FN1: variants seen among roughly 807,000 people sequenced by gnomAD.
FN1 encodes the protein fibronectin 1.
A neutral mutation model predicts 297.3 loss-of-function variants in FN1; 106 were observed. The ratio of observed to expected loss-of-function variants is 0.36; its 90% CI spans 0.30 to 0.42. FN1 has a LOEUF of 0.42. FN1 is among the 10% of genes least tolerant of loss of function. The probability of loss-of-function intolerance (pLI) is 1.00; values close to 1 mark genes in which losing one functional copy is unlikely to be tolerated. For missense variants in FN1, 2,690 were observed against 3,124.9 expected (o/e 0.86, Z 3.32); for synonymous variants, 1,149 against 1,152.6 (o/e 1.00, Z 0.06).
Position 215,434,689 on chromosome 2 carries a change from C to T in FN1, c.277+7G>A. 1 of 1,614,156 alleles carries T rather than the reference C, an allele frequency of 6.2e-7. No homozygotes were observed. The highest frequency in any genetic ancestry group is 1.1e-5 in the South Asian group (1 of 91,078). On this transcript the variant is annotated splice_region_variant and intron_variant, in intron 2 of 45. Transcript: ENST00000354785. ...AGATACTAACTATGGGGCTTGTTGT[C>T]ACTTACCTTCAGGTTTACTCTCGCA...
intron 35 of FN1, among the ~76,000 whole-genome samples, chr2:215,377,177 T>A (rs955413180): frequency 6.6e-6 from 1 of 151,964 alleles, no homozygotes; most frequent in Admixed American, 6.6e-5. Flanking sequence ...CTTTTATAAA[T>A]GATAAAACTT....
In FN1 at chr2:215,419,304, T is replaced by G; in HGVS notation, c.1757A>C (p.Gln586Pro). 1 of 1,613,564 alleles carries G rather than the reference T, an allele frequency of 6.2e-7. No homozygotes were observed. The highest frequency in any genetic ancestry group is 1.1e-5 in the South Asian group (1 of 91,072). Residue 586 changes from glutamine to proline, a missense_variant, in exon 12 of 46, where the codon CAG becomes CCG. Coordinates refer to ENST00000354785, the MANE Select transcript of FN1 (RefSeq NM_212482.4). Reference protein sequence around the residue: ...WEKYVHGVRYQCYCYGRGIGE... With the variant: ...WEKYVHGVRYPCYCYGRGIGE... ...AATGCCACGGCCATAGCAGTAGCAC[T>G]GGTATCTGACACCATGCACATACTT...
intron 32 of FN1, 62 bp downstream of exon 32, chr2:215,382,150 C>A (rs1575391454): frequency 2.0e-6 from 2 of 989,556 alleles, no homozygotes; most frequent in Non-Finnish European, 3.3e-6. Context: ...ATGTCGTGGG[C>A]ATTCAGACAC....
At chr2:215,382,467 C>G in intron 31 of FN1, 142 bp from the exon 32 acceptor site, 1 of 676,650 alleles carries the variant, frequency 1.5e-6, no homozygotes, top group Non-Finnish European at 2.7e-6. Flanking sequence ...GAGAGTCAGA[C>G]TTTGATTTCC....
chr2:215,410,231 T>A (rs1318810277), intron 13 of FN1, 117 bp from the exon 14 acceptor site: 2 of 1,014,682 alleles, frequency 2.0e-6, no homozygotes, highest in Non-Finnish European at 3.0e-6. Flanking sequence ...CTTAGGCAGC[T>A]CCATTCTAGA....
Position 215,384,901 on chromosome 2 carries a change from G to GC in FN1, c.4687dup (p.Ala1563GlyfsTer18). 6.2e-7 allele frequency: 1 copy of GC among 1,613,752 alleles called. No individual in the cohort carries two copies. The highest frequency in any genetic ancestry group is 8.5e-7 in the Non-Finnish European group (1 of 1,179,704). ...GATCCTGTAATATCTCACTGTGACA[G>GC]CAGGAGCATCCCAGCTGATCAGTAG... On this transcript the variant is annotated frameshift_variant, in exon 29 of 46. Transcript: ENST00000354785. LOFTEE classifies it high-confidence loss of function.
chr2:215,395,036 C>A (rs2060153746), intron 23 of FN1, among the ~76,000 whole-genome samples: 1 of 152,138 alleles, frequency 6.6e-6, no homozygotes, highest in Non-Finnish European at 1.5e-5. Context: ...GGGAGTGATT[C>A]CCCAAAGCTT....
chr2:215,362,117 G>T, intron 44 of FN1, 38 bp from the exon 45 acceptor site: 1 of 1,462,476 alleles, frequency 6.8e-7, no homozygotes. Flanking sequence ...TGGGGTTTAT[G>T]ATAACCTGAG....
intron 19 of FN1, among the ~76,000 whole-genome samples, chr2:215,405,500 T>G (rs565669454): frequency 6.6e-6 from 1 of 152,268 alleles, no homozygotes; most frequent in East Asian, 1.9e-4. Flanking sequence ...TCCCAGCACT[T>G]TGGGAGGCCA....
Position 215,361,161 on chromosome 2 carries a change from A to G in FN1, c.*394T>C, listed in dbSNP as rs2053381041. On this transcript the variant is annotated 3_prime_UTR_variant, in exon 46 of 46. Transcript: ENST00000354785. ...GCTTGTTCCTACAGTATTGCGGGCC[A>G]GACACTTAAGTGAAAGCAGAAGTGT... The G allele has an allele frequency of 2.6e-5, 6 of 231,978 alleles. No individual in the cohort carries two copies. The highest frequency in any genetic ancestry group is 8.6e-6 in the Non-Finnish European group (1 of 116,138). The allele number at this position is 231,978 out of a possible 1,614,324, so 14.4% of individuals were successfully genotyped here.
intron 34 of FN1, 33 bp from the exon 35 acceptor site, chr2:215,378,295 A>G (rs1420417854): frequency 5.0e-6 from 6 of 1,189,510 alleles, no homozygotes; most frequent in South Asian, 1.2e-5. Context: ...AGCTTTAGCA[A>G]CGTCCTCAAC....
In FN1 at chr2:215,419,235, T is replaced by G. The variant is rs3796123; in HGVS notation, c.1819+7A>C. The G allele has an allele frequency of 1.2e-6, 2 of 1,613,320 alleles. No individual in the cohort carries two copies. The highest frequency in any genetic ancestry group is 1.7e-6 in the Non-Finnish European group (2 of 1,179,464). ...AGTTCTCAACTTGCAGTAATAGAGCTACTTACTTGGATAGGTCTGTAAAGG... is the reference window on the plus strand; with the variant it reads ...AGTTCTCAACTTGCAGTAATAGAGCGACTTACTTGGATAGGTCTGTAAAGG... On this transcript the variant is annotated splice_region_variant and intron_variant, in intron 12 of 45. Coordinates refer to ENST00000354785, the MANE Select transcript of FN1 (RefSeq NM_212482.4).
At chr2:215,399,439 C>G (rs1028817250) in intron 20 of FN1, 88 bp from the exon 21 acceptor site, 102 of 923,444 alleles carry the variant, frequency 1.1e-4, no homozygotes, top group Middle Eastern at 8.7e-4. Context: ...TTATGGAGAA[C>G]CTCAGTTTAA....
chr2:215,412,968 A>C (rs938046218), intron 13 of FN1, among the ~76,000 whole-genome samples: 1 of 152,116 alleles, frequency 6.6e-6, no homozygotes, highest in African/African-American at 2.4e-5. Context: ...CATTAGAAAT[A>C]CATTCTTTTC....
Position 215,409,601 on chromosome 2 carries a change from T to C in FN1, c.2261A>G (p.Tyr754Cys), listed in dbSNP as rs1281077191. 6.2e-7 allele frequency: 1 copy of C among 1,613,982 alleles called. No individual in the cohort carries two copies. Residue 754 changes from tyrosine to cysteine, a missense_variant, in exon 15 of 46, where the codon TAT becomes TGT. By Grantham distance (194) the Tyr-to-Cys change is radical. Coordinates refer to ENST00000354785, the MANE Select transcript of FN1 (RefSeq NM_212482.4). The stretch of plus-strand genomic sequence containing the variant: ...CTCATCTCCCTCCTCACTCAGCTCA[T>C]ATTCCACCCGGAATCCCGACACGGT... ...SDTVSGFRVE[Y>C]ELSEEGDEPQ...
At chr2:215,371,097 G>A (rs1218367490) in intron 40 of FN1, among the ~76,000 whole-genome samples, 3 of 148,608 alleles carry the variant, frequency 2.0e-5, no homozygotes, top group Non-Finnish European at 4.5e-5. Context: ...GTGAAACCCC[G>A]TCTCTACTAA....
chr2:215,432,404 G>C (rs914371644), intron 3 of FN1, among the ~76,000 whole-genome samples: 1 of 152,180 alleles, frequency 6.6e-6, no homozygotes, highest in Non-Finnish European at 1.5e-5. Context: ...CATTTTGGTG[G>C]AAAGCAAACA....
At chr2:215,392,769 A>G in intron 25 of FN1, 162 bp downstream of exon 25, 1 of 727,508 alleles carries the variant, frequency 1.4e-6, no homozygotes, top group Non-Finnish European at 2.4e-6. Flanking sequence ...TTCTCCAATC[A>G]GTTTAGCAGA....
intron 31 of FN1, 95 bp downstream of exon 31, chr2:215,383,233 C>G (rs1387754691): frequency 1.6e-6 from 2 of 1,288,410 alleles, no homozygotes; most frequent in Non-Finnish European, 2.3e-6. Context: ...GTCTCGAACT[C>G]CTAACCTCAA....
Sources: allele counts gnomAD v4.1 joint callset (sites outside exome capture counted in the v4.1 genomes callset), GRCh38; gene constraint gnomAD v4.1.1; transcripts MANE v1.5; gene names NCBI Gene and HGNC (gene_info 2026-07-23, HGNC 2026-07-21).